ATP9B: variants seen among roughly 807,000 people sequenced by gnomAD.
The protein encoded by ATP9B is ATPase phospholipid transporting 9B.
In ATP9B, 110 loss-of-function variants were observed where a neutral mutation model predicts 146.1. The observed-to-expected ratio is 0.75, with a 90% confidence interval of 0.65 to 0.88. The LOEUF (loss-of-function observed/expected upper bound fraction) is 0.88. ATP9B is among the 40% of genes least tolerant of loss of function. The pLI, the probability that ATP9B is intolerant of heterozygous loss-of-function variation, is 0.00. For synonymous variants in ATP9B, 604 were observed against 569.7 expected (o/e 1.06, Z -0.86); for missense variants, 1,499 against 1,496.4 (o/e 1.00, Z -0.03).
At chr18:79,149,804 C>T (rs575795614) in intron 6 of ATP9B, among the ~76,000 whole-genome samples, 2 of 152,124 alleles carry the variant, frequency 1.3e-5, no homozygotes, top group South Asian at 4.2e-4. Context: ...ACACATGGGC[C>T]AGGCACAGTG....
At chr18:79,161,005 A>G (rs1600057149) in intron 7 of ATP9B, among the ~76,000 whole-genome samples, 1 of 152,180 alleles carries the variant, frequency 6.6e-6, no homozygotes, top group South Asian at 2.1e-4. Flanking sequence ...TCTGACCTCA[A>G]GCGATCCACC....
At chr18:79,177,337 G>A (rs1470139207) in intron 8 of ATP9B, among the ~76,000 whole-genome samples, 1 of 152,146 alleles carries the variant, frequency 6.6e-6, no homozygotes, top group African/African-American at 2.4e-5. Flanking sequence ...CTGGGCTCAA[G>A]TGATGCTCTC....
intron 8 of ATP9B, among the ~76,000 whole-genome samples, chr18:79,183,957 C>T (rs1294565941): frequency 1.3e-5 from 2 of 152,206 alleles, no homozygotes; most frequent in East Asian, 3.9e-4. Flanking sequence ...CATAACTTTA[C>T]CCAGTACACA....
intron 1 of ATP9B, among the ~76,000 whole-genome samples, chr18:79,070,360 T>C (rs2071582566): frequency 6.6e-6 from 1 of 152,246 alleles, no homozygotes; most frequent in South Asian, 2.1e-4. Flanking sequence ...AAGTACATAC[T>C]GGAATGTTAT....
At chr18:79,329,972 C>T (rs770440367) in intron 16 of ATP9B, 40 bp from the exon 17 acceptor site, 18 of 1,571,174 alleles carry the variant, frequency 1.1e-5, no homozygotes, top group Non-Finnish European at 1.5e-5. Flanking sequence ...CCGAGCAATG[C>T]AGCCTAAATG....
intron 9 of ATP9B, among the ~76,000 whole-genome samples, chr18:79,196,369 C>T (rs529706504): frequency 6.6e-6 from 1 of 152,128 alleles, no homozygotes; most frequent in East Asian, 1.9e-4. Flanking sequence ...ATCTAACAGA[C>T]GTAAGAATAA....
At chr18:79,252,912 T>C (rs542035843) in intron 11 of ATP9B, among the ~76,000 whole-genome samples, 80 of 151,922 alleles carry the variant, frequency 5.3e-4, no homozygotes, top group African/African-American at 1.9e-3. Flanking sequence ...AGAATCCTCA[T>C]GGGGGAGGTG....
chr18:79,143,727 TTA>T (rs1188343818), intron 5 of ATP9B, 73 bp from the exon 6 acceptor site: 6 of 934,044 alleles, frequency 6.4e-6, no homozygotes, highest in Admixed American at 2.7e-5. Flanking sequence ...TCTAAAGTAA[TTA>T]TTTTTTAATT....
chr18:79,175,802 C>T (rs1306223028), intron 7 of ATP9B, among the ~76,000 whole-genome samples: 2 of 151,974 alleles, frequency 1.3e-5, no homozygotes, highest in Non-Finnish European at 2.9e-5. Context: ...GCACACACAG[C>T]ACACACAAGT....
At chr18:79,360,038 C>T (rs890138162) in intron 26 of ATP9B, 1 of 156,702 alleles carries the variant, frequency 6.4e-6, no homozygotes, top group African/African-American at 2.4e-5. Context: ...CTTCAGTCAC[C>T]TGAAACTCTG....
intron 12 of ATP9B, among the ~76,000 whole-genome samples, chr18:79,276,156 G>A (rs2096306003): frequency 6.6e-6 from 1 of 152,176 alleles, no homozygotes. Context: ...AGGAAGAACT[G>A]CGCTGCCAGC....
intron 5 of ATP9B, among the ~76,000 whole-genome samples, chr18:79,139,534 A>G (rs2147358708): frequency 6.6e-6 from 1 of 152,170 alleles, no homozygotes; most frequent in Admixed American, 6.5e-5. Context: ...TTTCATTTTT[A>G]TCTTTTAAAT....
intron 15 of ATP9B, among the ~76,000 whole-genome samples, chr18:79,323,685 C>T (rs557834138): frequency 1.3e-5 from 2 of 152,292 alleles, no homozygotes; most frequent in East Asian, 1.9e-4. Flanking sequence ...GTGTACACCA[C>T]GTTTTCTTCA....
At chr18:79,092,790 G>A (rs961754056) in intron 1 of ATP9B, among the ~76,000 whole-genome samples, 3 of 151,900 alleles carry the variant, frequency 2.0e-5, no homozygotes, top group African/African-American at 7.3e-5. Context: ...GTCATCTCCT[G>A]TGTTAACAGT....
At chr18:79,175,870 A>C (rs772123893) in intron 7 of ATP9B, among the ~76,000 whole-genome samples, 2 of 152,228 alleles carry the variant, frequency 1.3e-5, no homozygotes, top group Admixed American at 6.5e-5. Context: ...ACATAGATAC[A>C]TATCCACACA....
At chr18:79,305,141 G>A (rs2096613687) in intron 14 of ATP9B, among the ~76,000 whole-genome samples, 1 of 152,236 alleles carries the variant, frequency 6.6e-6, no homozygotes, top group Non-Finnish European at 1.5e-5. Flanking sequence ...GTCAGCTGTG[G>A]AGTCTAGGAG....
chr18:79,218,762 T>C (rs1168384567), intron 11 of ATP9B, among the ~76,000 whole-genome samples: 1 of 152,242 alleles, frequency 6.6e-6, no homozygotes, highest in African/African-American at 2.4e-5. Flanking sequence ...AATTACATAC[T>C]GACTGATTCT....
At chr18:79,294,386 C>T (rs746845969) in intron 13 of ATP9B, among the ~76,000 whole-genome samples, 1 of 152,232 alleles carries the variant, frequency 6.6e-6, no homozygotes, top group Admixed American at 6.5e-5. Flanking sequence ...GAAGGACGCT[C>T]CCTGCGCTGC....
At position 79,172,574 on chromosome 18, in the gene ATP9B, C is replaced by T. The variant is rs143781044; in HGVS notation, c.779-4239C>T. On this transcript the variant is annotated intron_variant, in intron 7 of 29. Transcript: ENST00000426216. ...GTGCTGTGATTACAGGCGTAGCCAC[C>T]GTGCGCCGACCTTGCGATCCGCCTT... is the stretch of plus-strand genomic sequence containing the variant. 2.4e-3 allele frequency among the ~76,000 whole-genome samples: 322 copies of T among 136,742 alleles called. 5 individuals carry two copies. Among genetic ancestry groups the T allele is most frequent in the African/African-American group, 8.3e-3 (303 of 36,694 alleles). 89.7% of individuals were successfully genotyped at this position (136,742 alleles called of 152,430 possible).
Sources: allele counts gnomAD v4.1 joint callset (sites outside exome capture counted in the v4.1 genomes callset), GRCh38; gene constraint gnomAD v4.1.1; transcripts MANE v1.5; gene names NCBI Gene and HGNC (gene_info 2026-07-23, HGNC 2026-07-21).